Variants in PPP2R2B observed in about 807,000 individuals in gnomAD.
PPP2R2B encodes the protein serine/threonine-protein phosphatase 2A 55 kDa regulatory subunit B beta isoform.
Under a neutral mutation model 46.0 loss-of-function variants are expected in PPP2R2B, and 5 were observed. The ratio of observed to expected loss-of-function variants is 0.11; its 90% confidence interval spans 0.06 to 0.23. The LOEUF (loss-of-function observed/expected upper bound fraction) is 0.23, where lower values mean the gene tolerates loss of function less well. Ranked by LOEUF, PPP2R2B falls within the 10% of genes least tolerant of loss-of-function variation. The pLI is 1.00. For synonymous variants in PPP2R2B, 215 were observed against 206.7 expected, an observed-to-expected ratio of 1.04 and a Z score of -0.34; for missense variants, 367 against 575.0, an observed-to-expected ratio of 0.64 and a Z score of 3.70.
At chr5:146,961,010 C>T (rs1463822779) in intron 1 of PPP2R2B, among the ~76,000 whole-genome samples, 2 of 152,200 alleles carry the variant, frequency 1.3e-5, no homozygotes, top group Non-Finnish European at 2.9e-5. Flanking sequence ...TTGTACAACT[C>T]TTGCCCCAGC....
rs10583721 is a variant in PPP2R2B at position 146,807,776 on chromosome 5, C to CTTTTTTTTTTTT, written c.70+70214_70+70225dup. 2.0e-3 allele frequency among the ~76,000 whole-genome samples: 75 copies of CTTTTTTTTTTTT among 36,926 alleles called. 21 individuals carry two copies. Among genetic ancestry groups the CTTTTTTTTTTTT allele is most frequent in the Non-Finnish European group, 3.1e-3 (56 of 18,066 alleles). The allele number at this position is 36,926 out of a possible 152,430, so 24.2% of individuals were successfully genotyped here. On this transcript the variant is annotated intron_variant, in intron 2 of 9. Coordinates refer to ENST00000394411, the MANE Select transcript of PPP2R2B (RefSeq NM_181675.4). ...TTGGTTAAACCTCCTGGGGTGCCTT[C>CTTTTTTTTTTTT]TTTTTTTTTTTTTTTTTTTTTTTTT... is the stretch of plus-strand genomic sequence containing the variant.
intron 8 of PPP2R2B, among the ~76,000 whole-genome samples, chr5:146,595,993 T>C (rs1006875086): frequency 3.9e-5 from 6 of 152,228 alleles, no homozygotes; most frequent in African/African-American, 9.6e-5. Flanking sequence ...TCCGTTCTTA[T>C]ATTTCAAGTG....
Position 146,970,867 on chromosome 5 carries a change from T to C in PPP2R2B, c.79+84798A>G, listed in dbSNP as rs184594793. Among the ~76,000 whole-genome samples, 52 of 152,222 alleles carry C rather than the reference T, an allele frequency of 3.4e-4. 1 individual carries two copies. In the East Asian group the frequency reaches 9.6e-3, roughly 28 times the overall value. On this transcript the variant is annotated intron_variant, in intron 1 of 8. Coordinates refer to the PPP2R2B transcript ENST00000336640. Reference sequence around the variant, plus strand: ...TAAAAGCAATGTTTTTTTTTTCCTGTAGGAAAATTAGAAAATACAGAGAAG... The same window carrying C: ...TAAAAGCAATGTTTTTTTTTTCCTGCAGGAAAATTAGAAAATACAGAGAAG...
intron 1 of PPP2R2B, among the ~76,000 whole-genome samples, chr5:146,948,656 A>G (rs1156461497): frequency 6.6e-6 from 1 of 152,074 alleles, no homozygotes; most frequent in African/African-American, 2.4e-5. Context: ...ATCATGAATC[A>G]TTAAAGGAAA....
chr5:146,998,504 T>C (rs1259294687), intron 1 of PPP2R2B, among the ~76,000 whole-genome samples: 3 of 152,188 alleles, frequency 2.0e-5, no homozygotes, highest in Non-Finnish European at 4.4e-5. Context: ...TCAGAGCTTT[T>C]CCTGAAAAGA....
At chr5:146,859,758 T>C (rs1432526237) in intron 2 of PPP2R2B, among the ~76,000 whole-genome samples, 1 of 152,126 alleles carries the variant, frequency 6.6e-6, no homozygotes, top group Non-Finnish European at 1.5e-5. Context: ...AGGACATAAA[T>C]AGCAGCTCAA....
Position 146,888,483 on chromosome 5 carries a change from C to T in PPP2R2B, c.79+167182G>A, listed in dbSNP as rs186289588. On this transcript the variant is annotated intron_variant, in intron 1 of 8. Transcript: ENST00000336640. ...CTCACCATGATTATATCAATAGATT[C>T]GAACCAGTCTCTGATCCTCCTTCAC... Among the ~76,000 whole-genome samples the T allele has an allele frequency of 6.0e-4, 91 of 152,228 alleles. 3 individuals are homozygous for T. In the East Asian group the frequency reaches 0.012, roughly 20 times the overall value.
At chr5:146,955,477 G>A (rs566214507) in intron 1 of PPP2R2B, among the ~76,000 whole-genome samples, 122 of 151,980 alleles carry the variant, frequency 8.0e-4, no homozygotes, top group Non-Finnish European at 1.3e-3. Context: ...TATAAATTAC[G>A]TCCCCAGATA....
intron 1 of PPP2R2B, among the ~76,000 whole-genome samples, chr5:146,965,584 T>A (rs532325587): frequency 2.6e-5 from 4 of 152,334 alleles, no homozygotes; most frequent in Non-Finnish European, 4.4e-5. Flanking sequence ...TGCTGCTATA[T>A]GCCTGCCCTG....
At chr5:146,819,161 A>G (rs1286640923) in intron 2 of PPP2R2B, among the ~76,000 whole-genome samples, 1 of 152,156 alleles carries the variant, frequency 6.6e-6, no homozygotes, top group Non-Finnish European at 1.5e-5. Context: ...AAAATGAACT[A>G]TTTTGGGGCC....
At chr5:147,005,188 C>T (rs933482670) in intron 1 of PPP2R2B, among the ~76,000 whole-genome samples, 8 of 152,130 alleles carry the variant, frequency 5.3e-5, no homozygotes, top group African/African-American at 9.7e-5. Context: ...CTCATGCTGC[C>T]GGATATGATC....
At chr5:146,813,377 T>C (rs918514918) in intron 2 of PPP2R2B, among the ~76,000 whole-genome samples, 4 of 152,074 alleles carry the variant, frequency 2.6e-5, no homozygotes, top group African/African-American at 9.7e-5. Flanking sequence ...ATGCCCAACC[T>C]CAGGAGCAGC....
At chr5:146,884,089 GTTTTTTTTTTTT>G (rs372611320) in intron 1 of PPP2R2B, among the ~76,000 whole-genome samples, 2 of 104,692 alleles carry the variant, frequency 1.9e-5, no homozygotes, top group Admixed American at 2.0e-4. Flanking sequence ...TAAATTCAGG[GTTTTTTTTTTTT>G]TTTTTTTTTT....
At chr5:147,052,390 T>C (rs1227381860) in intron 1 of PPP2R2B, among the ~76,000 whole-genome samples, 1 of 152,174 alleles carries the variant, frequency 6.6e-6, no homozygotes, top group Non-Finnish European at 1.5e-5. Context: ...AACAGTTACA[T>C]GTGGGTCCTG....
intron 1 of PPP2R2B, among the ~76,000 whole-genome samples, chr5:147,029,018 A>G (rs1370015650): frequency 6.6e-6 from 1 of 152,034 alleles, no homozygotes; most frequent in East Asian, 1.9e-4. Context: ...AGTCTTTCTT[A>G]TTTGTAGTTC....
chr5:147,065,648 G>C (rs1044655289), intron 2 of PPP2R2B, among the ~76,000 whole-genome samples: 1 of 152,038 alleles, frequency 6.6e-6, no homozygotes, highest in African/African-American at 2.4e-5. Flanking sequence ...GTTGGAGCGA[G>C]GTTGAGGGAT....
At chr5:146,972,533 G>A (rs1483415942) in intron 1 of PPP2R2B, among the ~76,000 whole-genome samples, 4 of 152,006 alleles carry the variant, frequency 2.6e-5, no homozygotes, top group African/African-American at 9.7e-5. Context: ...CCAACATGCT[G>A]AAACCCCGTC....
intron 7 of PPP2R2B, among the ~76,000 whole-genome samples, chr5:146,615,325 G>A (rs1773035440): frequency 1.1e-5 from 1 of 87,484 alleles, no homozygotes; most frequent in South Asian, 4.9e-4. Context: ...ACACAGGAAG[G>A]GGAATATCAC....
intron 5 of PPP2R2B, among the ~76,000 whole-genome samples, chr5:146,654,024 T>C (rs755124989): frequency 3.9e-5 from 6 of 152,204 alleles, no homozygotes; most frequent in Non-Finnish European, 7.3e-5. Flanking sequence ...TTTCATCTGC[T>C]CTGGCCACAT....
Sources: gnomAD v4.1 joint callset for allele counts (sites outside exome capture counted in the v4.1 genomes callset) on GRCh38, gnomAD v4.1.1 for gene constraint, MANE v1.5 for transcripts, NCBI Gene and HGNC (gene_info 2026-07-23, HGNC 2026-07-21) for gene names.